The following IGFBP7 variants were observed in gnomAD, a reference collection of about 807,000 sequenced individuals.
The protein encoded by IGFBP7 is insulin-like growth factor-binding protein 7.
In IGFBP7, 31 loss-of-function variants were observed where a neutral mutation model predicts 29.4. The ratio of observed to expected loss-of-function variants is 1.05; its 90% CI spans 0.79 to 1.42. IGFBP7 has a LOEUF of 1.42. Ranked by LOEUF, IGFBP7 falls within the 40% of genes most tolerant of loss-of-function variation. IGFBP7 has a pLI of 0.00. For missense variants in IGFBP7, 393 were observed against 395.5 expected, an observed-to-expected ratio of 0.99 and a Z score of 0.05; for synonymous variants, 172 against 174.9, an observed-to-expected ratio of 0.98 and a Z score of 0.13.
chr4:57,106,438 ACTT>A (rs1726033405), intron 1 of IGFBP7, among the ~76,000 whole-genome samples: 3 of 152,246 alleles, frequency 2.0e-5, no homozygotes, highest in Admixed American at 2.0e-4. Context: ...AGAAGGCACA[ACTT>A]CTACAGAGGC....
At chr4:57,080,971 G>A (rs1002648207) in intron 1 of IGFBP7, among the ~76,000 whole-genome samples, 2 of 152,192 alleles carry the variant, frequency 1.3e-5, no homozygotes, top group African/African-American at 4.8e-5. Context: ...CCTGGCCAAT[G>A]TTCTCAGAAT....
intron 2 of IGFBP7, among the ~76,000 whole-genome samples, chr4:57,039,841 G>T (rs901614631): frequency 6.6e-6 from 1 of 151,936 alleles, no homozygotes; most frequent in Admixed American, 6.6e-5. Flanking sequence ...GGTCAGGCTG[G>T]TCTCAAACTC....
intron 1 of IGFBP7, among the ~76,000 whole-genome samples, chr4:57,054,822 GCCAGT>G (rs1050174308): frequency 6.6e-6 from 1 of 152,078 alleles, no homozygotes; most frequent in Non-Finnish European, 1.5e-5. Flanking sequence ...CTACAATGGG[GCCAGT>G]TCTGCTGTTC....
At chr4:57,107,246 A>T (rs1323703503) in intron 1 of IGFBP7, among the ~76,000 whole-genome samples, 1 of 152,194 alleles carries the variant, frequency 6.6e-6, no homozygotes, top group Non-Finnish European at 1.5e-5. Context: ...CAATAAATGC[A>T]TGTTAAATGG....
intron 1 of IGFBP7, among the ~76,000 whole-genome samples, chr4:57,090,877 G>C (rs1182860053): frequency 6.6e-6 from 1 of 152,026 alleles, no homozygotes; most frequent in African/African-American, 2.4e-5. Context: ...ACATGTGAGA[G>C]CAACAGTTTA....
intron 4 of IGFBP7, 90 bp downstream of exon 4, chr4:57,032,336 A>C: frequency 3.9e-6 from 6 of 1,536,214 alleles, no homozygotes; most frequent in Non-Finnish European, 4.4e-6. Flanking sequence ...TTTCATCAAT[A>C]GCTACGTCTG....
intron 1 of IGFBP7, among the ~76,000 whole-genome samples, chr4:57,085,095 C>G (rs1316476408): frequency 1.3e-5 from 2 of 151,946 alleles, no homozygotes; most frequent in African/African-American, 4.8e-5. Flanking sequence ...GGCCTAGATC[C>G]TTTTTTCTTT....
intron 1 of IGFBP7, among the ~76,000 whole-genome samples, chr4:57,044,862 G>C (rs550728626): frequency 6.6e-6 from 1 of 152,278 alleles, no homozygotes; most frequent in East Asian, 1.9e-4. Context: ...TCTAGGACAA[G>C]TAAGAATTCT....
At chr4:57,044,995 C>T (rs1211503747) in intron 1 of IGFBP7, among the ~76,000 whole-genome samples, 2 of 152,152 alleles carry the variant, frequency 1.3e-5, no homozygotes, top group Non-Finnish European at 2.9e-5. Flanking sequence ...TGGGTGTTAG[C>T]AACAGTGCCC....
At chr4:57,097,071 TCCC>T (rs1235636666) in intron 1 of IGFBP7, among the ~76,000 whole-genome samples, 4 of 152,176 alleles carry the variant, frequency 2.6e-5, no homozygotes, top group Non-Finnish European at 5.9e-5. Context: ...TTCAATTTTT[TCCC>T]CCATGAACCA....
At chr4:57,053,180 C>T (rs1724554701) in intron 1 of IGFBP7, among the ~76,000 whole-genome samples, 1 of 152,088 alleles carries the variant, frequency 6.6e-6, no homozygotes, top group African/African-American at 2.4e-5. Flanking sequence ...TCACACCTGG[C>T]TAATTTTTGT....
At chr4:57,066,712 C>T (rs190047655) in intron 1 of IGFBP7, among the ~76,000 whole-genome samples, 12 of 151,696 alleles carry the variant, frequency 7.9e-5, no homozygotes, top group Non-Finnish European at 1.2e-4. Context: ...TACAGGTATG[C>T]GCCACCATGC....
intron 1 of IGFBP7, among the ~76,000 whole-genome samples, chr4:57,091,941 T>C (rs895746767): frequency 7.9e-5 from 12 of 152,198 alleles, no homozygotes; most frequent in South Asian, 4.1e-4. Flanking sequence ...ACAGCACATA[T>C]CAGAAACTGA....
At chr4:57,065,344 A>G (rs1238565092) in intron 1 of IGFBP7, 1 of 152,292 alleles carries the variant, frequency 6.6e-6, no homozygotes, top group Non-Finnish European at 1.5e-5. Flanking sequence ...TGATTCATCC[A>G]TCAAGACAAA....
At chr4:57,071,243 C>T (rs1725046332) in intron 1 of IGFBP7, among the ~76,000 whole-genome samples, 1 of 152,192 alleles carries the variant, frequency 6.6e-6, no homozygotes. Flanking sequence ...AAAGAATGTT[C>T]CTCCTGCTGC....
chr4:57,052,794 G>A (rs913777327), intron 1 of IGFBP7, among the ~76,000 whole-genome samples: 1 of 152,120 alleles, frequency 6.6e-6, no homozygotes, highest in Non-Finnish European at 1.5e-5. Flanking sequence ...CTCGTTTTGG[G>A]TCCAATCTTT....
intron 1 of IGFBP7, among the ~76,000 whole-genome samples, chr4:57,084,340 T>TA (rs934975639): frequency 2.6e-5 from 4 of 152,022 alleles, no homozygotes; most frequent in Non-Finnish European, 4.4e-5. Context: ...ATTTCAGTAT[T>TA]AAAAAAAATT....
Position 57,073,230 on chromosome 4 carries a change from TGTG to T in IGFBP7, c.476-32300_476-32298del, listed in dbSNP as rs748971168. 110 of 680,700 alleles carry T rather than the reference TGTG, an allele frequency of 1.6e-4. No individual in the cohort carries two copies. In the African/African-American group the frequency reaches 2.8e-3, roughly 17 times the overall value. The allele number at this position is 680,700 out of a possible 1,614,324, so 42.2% of individuals were successfully genotyped here. On this transcript the variant is annotated intron_variant, in intron 1 of 4. Transcript: ENST00000295666. The stretch of plus-strand genomic sequence containing the variant: ...TTGTATAGCACTCTGTATCTTGAGC[TGTG>T]GTATTATTATTATTATTATTATTAG...
intron 2 of IGFBP7, among the ~76,000 whole-genome samples, chr4:57,039,595 A>G (rs1428981520): frequency 2.0e-5 from 3 of 151,092 alleles, no homozygotes; most frequent in Non-Finnish European, 2.9e-5. Context: ...AGGCTGAGAA[A>G]CCCTGACTTG....
Sources: allele counts gnomAD v4.1 joint callset (sites outside exome capture counted in the v4.1 genomes callset), GRCh38; gene constraint gnomAD v4.1.1; transcripts MANE v1.5; gene names NCBI Gene and HGNC (gene_info 2026-07-23, HGNC 2026-07-21).